Variants in OARD1 observed in about 807,000 individuals in gnomAD.
OARD1 encodes O-acyl-ADP-ribose deacylase 1.
OARD1 carries 19 observed loss-of-function variants against 19.7 expected under a neutral mutation model. The ratio of observed to expected loss-of-function variants is 0.96; its 90% CI spans 0.67 to 1.41. The LOEUF is 1.41. OARD1 is among the 40% of genes most tolerant of loss of function. The pLI is 0.00. For missense variants in OARD1, 190 were observed against 183.8 expected, an observed-to-expected ratio of 1.03 and a Z score of -0.20; for synonymous variants, 70 against 61.8, an observed-to-expected ratio of 1.13 and a Z score of -0.62.
chr6:41,078,976 TA>T, intron 1 of OARD1: 1 of 795,782 alleles, frequency 1.3e-6, no homozygotes, highest in Non-Finnish European at 2.1e-6. Flanking sequence ...AATTGTCTGG[TA>T]AGGCCTTTAT....
intron 1 of OARD1, among the ~76,000 whole-genome samples, chr6:41,087,218 T>TTC (rs1764073199): frequency 6.6e-6 from 1 of 152,250 alleles, no homozygotes; most frequent in East Asian, 1.9e-4. Flanking sequence ...CTTATTTATT[T>TTC]GCCAATACTT....
intron 1 of OARD1, chr6:41,093,117 G>A: frequency 2.5e-6 from 4 of 1,587,828 alleles, no homozygotes; most frequent in African/African-American, 1.3e-5. Context: ...ATATAGGAAA[G>A]GAGAATAGCA....
chr6:41,066,241 C>A lies in OARD1; in HGVS notation c.*1094G>T, dbSNP rs777920425. 1 of 152,214 alleles carries A rather than the reference C, an allele frequency of 6.6e-6. No individual in the cohort carries two copies. Among genetic ancestry groups the A allele is most frequent in the Non-Finnish European group, 1.5e-5 (1 of 68,070 alleles). 9.4% of individuals were successfully genotyped at this position (152,214 alleles called of 1,614,324 possible). Reference sequence around the variant, plus strand: ...TCCCAGGCTCAAGCCATCCTCCCGCCTCAACCTCTAGAGTAGCTGGAACTA... The same window carrying A: ...TCCCAGGCTCAAGCCATCCTCCCGCATCAACCTCTAGAGTAGCTGGAACTA... On this transcript the variant is annotated 3_prime_UTR_variant, in exon 6 of 6. Transcript: ENST00000424266.
At chr6:41,074,047 C>G (rs1763652113), upstream of OARD1, among the ~76,000 whole-genome samples, 1 of 152,218 alleles carries the variant, frequency 6.6e-6, no homozygotes, top group Non-Finnish European at 1.5e-5. Context: ...TATTACTAAT[C>G]TTATCCACTG....
chr6:41,084,848 G>T (rs1314436275), intron 1 of OARD1, among the ~76,000 whole-genome samples: 1 of 152,162 alleles, frequency 6.6e-6, no homozygotes, highest in Admixed American at 6.5e-5. Context: ...TGTAATCCCA[G>T]CTACTTGGGG....
upstream of OARD1, chr6:41,072,952 C>T (rs1763550997): frequency 1.9e-5 from 3 of 154,790 alleles, no homozygotes; most frequent in South Asian, 1.8e-4. Flanking sequence ...CCCGATTCCC[C>T]TTTGTTCGGG....
intron 1 of OARD1, among the ~76,000 whole-genome samples, chr6:41,081,815 A>G (rs1317617990): frequency 6.6e-6 from 1 of 152,204 alleles, no homozygotes; most frequent in Non-Finnish European, 1.5e-5. Flanking sequence ...GGTTAGGCAG[A>G]AGCAGGATGT....
At chr6:41,094,399 T>TA in intron 1 of OARD1, 1 of 1,614,058 alleles carries the variant, frequency 6.2e-7, no homozygotes, top group Non-Finnish European at 8.5e-7. Flanking sequence ...GTTTTAGAAA[T>TA]ACCTGCATGA....
upstream of OARD1, among the ~76,000 whole-genome samples, chr6:41,073,518 T>C (rs1288526005): frequency 6.6e-6 from 1 of 151,806 alleles, no homozygotes; most frequent in Non-Finnish European, 1.5e-5. Context: ...CCTTGCACTC[T>C]CCACTCTCCG....
chr6:41,071,955 C>T (rs529078744), intron 1 of OARD1: 122 of 385,334 alleles, frequency 3.2e-4, no homozygotes, highest in African/African-American at 2.2e-3. Context: ...CTCCTCCTTT[C>T]TCCAGGGCCA....
chr6:41,073,745 G>A (rs1352466014), upstream of OARD1, among the ~76,000 whole-genome samples: 2 of 152,072 alleles, frequency 1.3e-5, no homozygotes, highest in East Asian at 1.9e-4. Flanking sequence ...CTGGTGGGGA[G>A]AGGGGGCCGT....
At chr6:41,093,180 CCAAA>C (rs1293680682) in intron 1 of OARD1, 4 of 1,100,520 alleles carry the variant, frequency 3.6e-6, no homozygotes, top group Non-Finnish European at 5.1e-6. Context: ...CACGTACCTT[CCAAA>C]CAATTGACGT....
chr6:41,097,609 C>G, intron 1 of OARD1: 1 of 570,848 alleles, frequency 1.8e-6, no homozygotes. Flanking sequence ...TTGTCTTACT[C>G]TTTCAGTCAG....
chr6:41,084,226 CAG>C (rs1333989741), intron 1 of OARD1: 3 of 1,604,718 alleles, frequency 1.9e-6, no homozygotes, highest in African/African-American at 1.3e-5. Context: ...AGCAGTATAT[CAG>C]AGGAGAGGTT....
chr6:41,071,881 A>T, intron 1 of OARD1: 1 of 502,430 alleles, frequency 2.0e-6, no homozygotes, highest in South Asian at 3.0e-5. Context: ...ACCCGCTCTC[A>T]TTTCGTGCTT....
intron 4 of OARD1, 181 bp downstream of exon 4, chr6:41,069,895 C>T: frequency 1.5e-6 from 1 of 661,052 alleles, no homozygotes; most frequent in Non-Finnish European, 2.8e-6. Flanking sequence ...TAACCCAGTG[C>T]TCCAAGTAGC....
At chr6:41,090,420 G>C in intron 1 of OARD1, 1 of 555,972 alleles carries the variant, frequency 1.8e-6, no homozygotes, top group South Asian at 2.6e-5. Context: ...ATATTTTTTG[G>C]ACAAAAAAAA....
chr6:41,093,441 G>A (rs559760753), intron 1 of OARD1, among the ~76,000 whole-genome samples: 1 of 151,864 alleles, frequency 6.6e-6, no homozygotes, highest in Non-Finnish European at 1.5e-5. Context: ...CTCCAGCCTA[G>A]GAAGAAAGGG....
intron 1 of OARD1, chr6:41,080,949 C>T (rs1763889167): frequency 7.1e-7 from 1 of 1,414,254 alleles, no homozygotes; most frequent in East Asian, 2.3e-5. Context: ...CTCCTCTCCT[C>T]ATGTCTGGTG....
Sources: allele counts gnomAD v4.1 joint callset (sites outside exome capture counted in the v4.1 genomes callset), GRCh38; gene constraint gnomAD v4.1.1; transcripts MANE v1.5; gene names NCBI Gene and HGNC (gene_info 2026-07-23, HGNC 2026-07-21).